Variants in NIPBL observed in about 807,000 individuals in gnomAD.
NIPBL encodes the protein nipped-B-like protein.
Under a neutral mutation model 321.8 loss-of-function variants are expected in NIPBL, and 19 were observed. The observed-to-expected ratio is 0.06, with a 90% CI of 0.04 to 0.09. NIPBL has a LOEUF of 0.09. Ranked by LOEUF, NIPBL falls within the 10% of genes least tolerant of loss-of-function variation. NIPBL has a pLI of 1.00. For synonymous variants in NIPBL, 1,106 were observed against 1,114.1 expected, an observed-to-expected ratio of 0.99 and a Z score of 0.14; for missense variants, 2,210 against 3,327.0, an observed-to-expected ratio of 0.66 and a Z score of 8.26.
intron 21 of NIPBL, among the ~76,000 whole-genome samples, chr5:37,013,085 C>T (rs1748387628): frequency 6.8e-6 from 1 of 147,092 alleles, no homozygotes; most frequent in Admixed American, 6.8e-5. Context: ...GCTGGCCGGG[C>T]AGAGGGGCTC....
intron 1 of NIPBL, among the ~76,000 whole-genome samples, chr5:36,918,733 A>G (rs1420359679): frequency 6.6e-6 from 1 of 152,166 alleles, no homozygotes; most frequent in Non-Finnish European, 1.5e-5. Flanking sequence ...TTTTAGCATG[A>G]AGGGCTGTTG....
intron 10 of NIPBL, among the ~76,000 whole-genome samples, chr5:36,990,201 A>G (rs772614630): frequency 2.6e-5 from 4 of 152,238 alleles, no homozygotes; most frequent in Admixed American, 6.5e-5. Context: ...CGATTAGCCT[A>G]TATTGCTCAC....
At chr5:36,931,256 CT>C (rs899018624) in intron 1 of NIPBL, among the ~76,000 whole-genome samples, 10 of 150,308 alleles carry the variant, frequency 6.7e-5, no homozygotes, top group African/African-American at 1.7e-4. Flanking sequence ...GAAGAATTTC[CT>C]TTTTTTTTAA....
chr5:37,054,359 TTATCAG>T (rs1385070254), intron 42 of NIPBL, among the ~76,000 whole-genome samples: 1 of 152,196 alleles, frequency 6.6e-6, no homozygotes, highest in Non-Finnish European at 1.5e-5. Flanking sequence ...CATCATATCA[TTATCAG>T]TATTAAGTTT....
intron 37 of NIPBL, among the ~76,000 whole-genome samples, chr5:37,045,902 T>C (rs945049214): frequency 1.3e-5 from 2 of 152,196 alleles, no homozygotes; most frequent in African/African-American, 4.8e-5. Context: ...AAGGAAACAA[T>C]GCACTGATTT....
At chr5:37,024,547 A>C (rs763693289) in intron 29 of NIPBL, 38 bp from the exon 30 acceptor site, 2 of 1,575,342 alleles carry the variant, frequency 1.3e-6, no homozygotes, top group East Asian at 4.5e-5. Flanking sequence ...TAGGCATCTC[A>C]ATTTTTCTGA....
At chr5:37,062,278 A>C (rs1359952686) in intron 45 of NIPBL, among the ~76,000 whole-genome samples, 1 of 152,226 alleles carries the variant, frequency 6.6e-6, no homozygotes, top group Non-Finnish European at 1.5e-5. Flanking sequence ...TAAAAGGTAA[A>C]ACTGCAAGCA....
chr5:37,044,117 G>T (rs1052414899), intron 34 of NIPBL, among the ~76,000 whole-genome samples: 2 of 151,956 alleles, frequency 1.3e-5, no homozygotes, highest in Non-Finnish European at 1.5e-5. Context: ...ATATAACATT[G>T]TGATTAAGTG....
At chr5:36,877,655 C>T (rs767709284) in intron 1 of NIPBL, among the ~76,000 whole-genome samples, 14 of 152,228 alleles carry the variant, frequency 9.2e-5, no homozygotes, top group Non-Finnish European at 1.8e-4. Context: ...AACAAACAAC[C>T]TCCCTTCTTC....
At chr5:37,053,359 TC>T (rs1342281611) in intron 42 of NIPBL, among the ~76,000 whole-genome samples, 1 of 152,208 alleles carries the variant, frequency 6.6e-6, no homozygotes. Context: ...GGGACCATCA[TC>T]ATATATATAG....
In NIPBL at chr5:37,017,118, A is replaced by G; in HGVS notation, c.4876A>G (p.Thr1626Ala). 1.2e-6 allele frequency: 2 copies of G among 1,612,946 alleles called. 1 individual carries two copies. Among genetic ancestry groups the G allele is most frequent in the Non-Finnish European group, 1.7e-6 (2 of 1,179,152 alleles). Residue 1626 changes from threonine (T) to alanine (A), a missense_variant, in exon 24 of 47, where the codon ACA becomes GCA. By Grantham distance (58) the Thr-to-Ala change is moderately conservative (BLOSUM62 0). Around this residue, in one of 14 missense-constraint regions of NIPBL, gnomAD observed 138 missense variants for 175.8 expected, o/e 0.79. Coordinates refer to ENST00000282516, the MANE Select transcript of NIPBL (RefSeq NM_133433.4). ...VAARLRKDAV[T>A]SKMDQGSIER... is the part of the protein sequence containing the mutation. Reference sequence around the variant, plus strand: ...TGCACGGCTAAGAAAAGATGCTGTTACAAGCAAAATGGATCAAGGATCTAT... The same window carrying G: ...TGCACGGCTAAGAAAAGATGCTGTTGCAAGCAAAATGGATCAAGGATCTAT...
intron 1 of NIPBL, among the ~76,000 whole-genome samples, chr5:36,904,975 C>T (rs1349089225): frequency 1.3e-5 from 2 of 152,186 alleles, no homozygotes; most frequent in Non-Finnish European, 2.9e-5. Context: ...TAATTGAAGG[C>T]TGTCTTAAAG....
intron 1 of NIPBL, among the ~76,000 whole-genome samples, chr5:36,903,228 CT>C (rs969488536): frequency 1.3e-5 from 2 of 152,148 alleles, no homozygotes; most frequent in African/African-American, 4.8e-5. Flanking sequence ...GATAGTTTGA[CT>C]TTCTCTCTTC....
chr5:36,917,839 T>G (rs1221860564), intron 1 of NIPBL, among the ~76,000 whole-genome samples: 1 of 152,178 alleles, frequency 6.6e-6, no homozygotes, highest in Non-Finnish European at 1.5e-5. Flanking sequence ...GTTGTAGATG[T>G]GTGGTATTAT....
rs753976947 is a variant in NIPBL, at chr5:37,008,105, T to C, written c.4320+17T>C. On this transcript the variant is annotated intron_variant, in intron 19 of 46. Coordinates refer to ENST00000282516, the MANE Select transcript of NIPBL (RefSeq NM_133433.4). Reference sequence around the variant, plus strand: ...GTCACTGCAGTAAGTATAATCAATTTGTATTTTTAGTTACCCCACAAATAA... The same window carrying C: ...GTCACTGCAGTAAGTATAATCAATTCGTATTTTTAGTTACCCCACAAATAA... 2 of 1,526,706 alleles carry C rather than the reference T, an allele frequency of 1.3e-6. No individual in the cohort carries two copies. Among genetic ancestry groups the C allele is most frequent in the Non-Finnish European group, 1.8e-6 (2 of 1,100,994 alleles). 94.6% of individuals were successfully genotyped at this position (1,526,706 alleles called of 1,614,324 possible).
At chr5:36,992,139 A>T (rs933971057) in intron 10 of NIPBL, among the ~76,000 whole-genome samples, 1 of 152,188 alleles carries the variant, frequency 6.6e-6, no homozygotes, top group Non-Finnish European at 1.5e-5. Flanking sequence ...AGAAGCTGAA[A>T]ATTTGATATC....
In NIPBL at chr5:36,962,081, T is replaced by C. The variant is rs367997192; in HGVS notation, c.459-42T>C. ...CAGATTTCAAGGAATAGCGTGTTTATTTTATTTCCTTATATTTTTTTATTT... is the reference window on the plus strand; with the variant it reads ...CAGATTTCAAGGAATAGCGTGTTTACTTTATTTCCTTATATTTTTTTATTT... On this transcript the variant is annotated intron_variant, in intron 5 of 46. Coordinates refer to ENST00000282516, the MANE Select transcript of NIPBL (RefSeq NM_133433.4). 18 of 1,610,162 alleles carry C rather than the reference T, an allele frequency of 1.1e-5. No individual in the cohort carries two copies. The African/African-American group carries it at 1.9e-4, about 17-fold the overall frequency.
chr5:37,035,390 T>G (rs1177583527), intron 32 of NIPBL, among the ~76,000 whole-genome samples: 1 of 152,246 alleles, frequency 6.6e-6, no homozygotes, highest in African/African-American at 2.4e-5. Flanking sequence ...CTTTATTTAT[T>G]TCTTCAAATT....
chr5:37,036,188 CAT>C (rs1283673852), intron 32 of NIPBL, among the ~76,000 whole-genome samples, 189 bp from the exon 33 acceptor site: 5 of 151,406 alleles, frequency 3.3e-5, no homozygotes, highest in Admixed American at 1.3e-4. Flanking sequence ...TATTTTTAAA[CAT>C]ATATATTTTT....
Sources: allele counts gnomAD v4.1 joint callset (sites outside exome capture counted in the v4.1 genomes callset), GRCh38; gene constraint gnomAD v4.1.1; regional missense constraint gnomAD v4.1.1; transcripts MANE v1.5; gene names NCBI Gene and HGNC (gene_info 2026-07-23, HGNC 2026-07-21).